AJAP1: variants seen among roughly 807,000 people sequenced by gnomAD.
The protein encoded by AJAP1 is adherens junction-associated protein 1.
AJAP1 carries 5 observed loss-of-function variants against 35.0 expected under a neutral mutation model. The observed-to-expected ratio is 0.14, with a 90% CI of 0.07 to 0.30. The LOEUF is 0.30. AJAP1 is among the 10% of genes least tolerant of loss of function. The pLI is 1.00. For missense variants in AJAP1, 586 were observed against 571.0 expected (o/e 1.03, Z -0.27); for synonymous variants, 284 against 249.3 (o/e 1.14, Z -1.31).
At chr1:4,729,944 GA>G (rs1397659726) in intron 2 of AJAP1, among the ~76,000 whole-genome samples, 5 of 152,116 alleles carry the variant, frequency 3.3e-5, no homozygotes, top group African/African-American at 7.2e-5. Flanking sequence ...TCTTTTGGAG[GA>G]AAAAAGTTCA....
chr1:4,700,589 C>T (rs1024296100), intron 1 of AJAP1, among the ~76,000 whole-genome samples: 2 of 152,328 alleles, frequency 1.3e-5, no homozygotes, highest in African/African-American at 2.4e-5. Context: ...CTGCCCCATT[C>T]GCGTCTTTTG....
At chr1:4,758,210 G>A (rs1396449978) in intron 2 of AJAP1, among the ~76,000 whole-genome samples, 1 of 152,076 alleles carries the variant, frequency 6.6e-6, no homozygotes, top group East Asian at 1.9e-4. Context: ...CTTTATCAGT[G>A]ATGTGAGAAC....
chr1:4,730,614 C>T (rs1033839161), intron 2 of AJAP1, among the ~76,000 whole-genome samples: 2 of 152,204 alleles, frequency 1.3e-5, no homozygotes, highest in African/African-American at 4.8e-5. Flanking sequence ...CTGCACCTAG[C>T]AAAGGCATTG....
At chr1:4,724,141 A>G (rs1016709397) in intron 2 of AJAP1, among the ~76,000 whole-genome samples, 1 of 152,176 alleles carries the variant, frequency 6.6e-6, no homozygotes, top group African/African-American at 2.4e-5. Context: ...GCTGGGGTGG[A>G]CAAGGAGCAG....
chr1:4,772,083 ATTT>A (rs111647192), intron 3 of AJAP1, among the ~76,000 whole-genome samples, 194 bp from the exon 4 acceptor site: 47,711 of 149,248 alleles, frequency 0.32, 8,002 homozygotes, highest in Admixed American at 0.4. Flanking sequence ...TTCAAATTTC[ATTT>A]TTTTTTTTTA....
chr1:4,703,260 G>T (rs1640028759), intron 1 of AJAP1, among the ~76,000 whole-genome samples: 1 of 152,216 alleles, frequency 6.6e-6, no homozygotes. Flanking sequence ...GACTGCAGAA[G>T]AAAGTGGGTG....
chr1:4,712,087 C>T lies in AJAP1; in HGVS notation c.217C>T (p.Arg73Trp), dbSNP rs780059909. 16 of 1,562,300 alleles carry T rather than the reference C, an allele frequency of 1.0e-5. No homozygotes were observed. Among genetic ancestry groups the T allele is most frequent in the South Asian group, 3.6e-5 (3 of 83,934 alleles). The change falls in exon 2 of 6, where the codon CGG becomes TGG. Residue 73 changes from arginine (R) to tryptophan (W), a missense_variant. Coordinates refer to ENST00000378191, the MANE Select transcript of AJAP1 (RefSeq NM_018836.4). ...GAGTTTTAGGAGTGGACAGCCAGCG[C>T]GGGTCCCGGCCCCGGTGTGGAGCCC... ...LWSFRSGQPA[R>W]VPAPVWSPRP...
intron 1 of AJAP1, among the ~76,000 whole-genome samples, chr1:4,670,372 G>A (rs567832248): frequency 2.6e-5 from 4 of 152,278 alleles, no homozygotes; most frequent in East Asian, 1.9e-4. Flanking sequence ...TCTTATTCTT[G>A]GTGCCTTTTC....
At chr1:4,669,620 T>G (rs1162941050) in intron 1 of AJAP1, among the ~76,000 whole-genome samples, 1 of 152,192 alleles carries the variant, frequency 6.6e-6, no homozygotes, top group Admixed American at 6.5e-5. Flanking sequence ...ATTATTACAA[T>G]TCAAGGTGAG....
intron 2 of AJAP1, among the ~76,000 whole-genome samples, chr1:4,718,313 A>G (rs1640441482): frequency 6.6e-6 from 1 of 152,156 alleles, no homozygotes; most frequent in South Asian, 2.1e-4. Context: ...ACTGTGTTGC[A>G]GGTCTTCTTG....
At chr1:4,773,405 CG>C (rs1206945184) in intron 4 of AJAP1, among the ~76,000 whole-genome samples, 2 of 152,164 alleles carry the variant, frequency 1.3e-5, no homozygotes, top group East Asian at 3.9e-4. Context: ...GGAGGACTGC[CG>C]GGGCTGCCAC....
chr1:4,682,301 T>A (rs898584236), intron 1 of AJAP1, among the ~76,000 whole-genome samples: 4 of 152,200 alleles, frequency 2.6e-5, no homozygotes, highest in African/African-American at 9.6e-5. Flanking sequence ...AGCTCCCTGA[T>A]CTCAAGCCTC....
chr1:4,728,973 C>T (rs969217454), intron 2 of AJAP1, among the ~76,000 whole-genome samples: 6 of 152,204 alleles, frequency 3.9e-5, no homozygotes, highest in African/African-American at 1.4e-4. Flanking sequence ...CCATTATCCC[C>T]TGAGGCTCTG....
Position 4,728,468 on chromosome 1 carries a change from G to T in AJAP1, c.829+15769G>T, listed in dbSNP as rs553572475. Among the ~76,000 whole-genome samples the T allele has an allele frequency of 3.9e-5, 6 of 152,282 alleles. No homozygotes were observed. The East Asian group carries it at 9.7e-4, about 25-fold the overall frequency. ...GTTCCCACCCAGCCCCGGGTTTGGG[G>T]TTTGGCATCTGAGTGACACCTGCTC... is the stretch of plus-strand genomic sequence containing the variant. On this transcript the variant is annotated intron_variant, in intron 2 of 5. Transcript: ENST00000378191.
intron 2 of AJAP1, among the ~76,000 whole-genome samples, chr1:4,748,466 GGCTGGGTGCGGTGTCTCACGCCT>G: frequency 6.6e-6 from 1 of 152,222 alleles, no homozygotes; most frequent in East Asian, 1.9e-4. Flanking sequence ...ACAGGGCTCT[GGCTGGGTGCGGTGTCTCACGCCT>G]GTAATCCCAG....
intron 2 of AJAP1, among the ~76,000 whole-genome samples, chr1:4,728,410 C>T (rs941014195): frequency 2.0e-5 from 3 of 152,184 alleles, no homozygotes; most frequent in African/African-American, 4.8e-5. Flanking sequence ...ATGAGGAATG[C>T]ACTCACACTG....
At position 4,787,742 on chromosome 1, in the gene AJAP1, C is replaced by T. The variant is rs1642182783; in HGVS notation, c.*5257C>T. 1 of 456,054 alleles carries T rather than the reference C, an allele frequency of 2.2e-6. No individual in the cohort carries two copies. The highest frequency in any genetic ancestry group is 4.4e-6 in the Non-Finnish European group (1 of 226,908). 28.3% of individuals were successfully genotyped at this position (456,054 alleles called of 1,614,324 possible). A position where few individuals can be genotyped will look rare whatever the true frequency, so the allele number is the denominator to read the frequency against. On this transcript the variant is annotated 3_prime_UTR_variant, in exon 6 of 6. Transcript: ENST00000378191. ...CAAGCAGGTCTCAGGTCAGCCAGGT[C>T]TCAAGGAGGATAAGGGGGTTCAACG...
chr1:4,760,742 TTC>T (rs1641546728), intron 2 of AJAP1, among the ~76,000 whole-genome samples: 1 of 152,230 alleles, frequency 6.6e-6, no homozygotes, highest in South Asian at 2.1e-4. Context: ...GTCTAAGCGT[TTC>T]TGTTTGCCAC....
intron 2 of AJAP1, 121 bp downstream of exon 2, chr1:4,712,820 C>T (rs147583193): frequency 3.2e-5 from 34 of 1,065,210 alleles, no homozygotes; most frequent in Non-Finnish European, 4.1e-5. Context: ...GAGATGCAGG[C>T]GTGATGTGTC....
Sources: allele counts gnomAD v4.1 joint callset (sites outside exome capture counted in the v4.1 genomes callset), GRCh38; gene constraint gnomAD v4.1.1; transcripts MANE v1.5; gene names NCBI Gene and HGNC (gene_info 2026-07-23, HGNC 2026-07-21).